Variants in ACCSL observed in about 807,000 individuals in gnomAD.
ACCSL encodes probable inactive 1-aminocyclopropane-1-carboxylate synthase-like protein 2.
In ACCSL, 55 loss-of-function variants were observed where a neutral mutation model predicts 61.7. The ratio of observed to expected loss-of-function variants is 0.89; its 90% CI spans 0.72 to 1.12. ACCSL has a LOEUF of 1.12. Among genes scored for constraint, ACCSL ranks in the 50% most tolerant of loss-of-function variants. The probability of loss-of-function intolerance (pLI) is 0.00; values close to 1 mark genes in which losing one functional copy is unlikely to be tolerated. For synonymous variants in ACCSL, 258 were observed against 264.3 expected, an observed-to-expected ratio of 0.98 and a Z score of 0.23; for missense variants, 632 against 698.0, an observed-to-expected ratio of 0.91 and a Z score of 1.07.
At chr11:43,959,996 G>A in the ACCSL span, among the ~76,000 whole-genome samples, 1 of 152,062 alleles carries the variant, frequency 6.6e-6, no homozygotes, top group Non-Finnish European at 1.5e-5. Context: ...GCCCTGCTCC[G>A]GCCCCCACCA....
the ACCSL span, among the ~76,000 whole-genome samples, chr11:44,008,550 A>T: frequency 2.0e-5 from 3 of 152,240 alleles, no homozygotes; most frequent in African/African-American, 7.2e-5. Context: ...ATTGATAGAG[A>T]CAGTAAGCAT....
At chr11:43,986,412 A>G in the ACCSL span, among the ~76,000 whole-genome samples, 1 of 150,894 alleles carries the variant, frequency 6.6e-6, no homozygotes, top group Non-Finnish European at 1.5e-5. Flanking sequence ...CACAGATCTC[A>G]GAGTAAGACC....
chr11:44,048,377 C>T lies in ACCSL; in HGVS notation c.341C>T (p.Ser114Phe). The T allele has an allele frequency of 6.2e-7, 1 of 1,614,154 alleles. No individual in the cohort carries two copies. Among genetic ancestry groups the T allele is most frequent in the South Asian group, 1.1e-5 (1 of 91,076 alleles). ...AGATATGGGCAGAGGGCCCAACTCTCTGGGCAGCCTGATCCAGTTCCCCAA... is the reference window on the plus strand; with the variant it reads ...AGATATGGGCAGAGGGCCCAACTCTTTGGGCAGCCTGATCCAGTTCCCCAA... The part of the protein sequence containing the change: ...DVRYGQRAQL[S>F]GQPDPVPQLS... The change falls in exon 1 of 14, where the codon TCT becomes TTT. Residue 114 changes from serine to phenylalanine, a missense_variant. By Grantham distance (155) the Ser-to-Phe change is radical. Transcript: ENST00000378832.
the ACCSL span, among the ~76,000 whole-genome samples, chr11:44,041,966 A>G: frequency 0.06 from 9,069 of 152,238 alleles, 493 homozygotes; most frequent in African/African-American, 0.14. Flanking sequence ...GAAACTCCCT[A>G]GGATCTATTA....
the ACCSL span, among the ~76,000 whole-genome samples, chr11:43,998,374 A>AT: frequency 1.4e-4 from 21 of 152,106 alleles, no homozygotes; most frequent in Non-Finnish European, 2.8e-4. Flanking sequence ...GTGTTGGCTG[A>AT]TTTTTTTGTC....
chr11:43,943,228 A>C, the ACCSL span: 1 of 1,520,360 alleles, frequency 6.6e-7, no homozygotes, highest in Non-Finnish European at 8.8e-7. The surrounding 1 kb of genome is among the most constrained non-coding windows in gnomAD (Gnocchi z 4.8). Context: ...GCAGCTGCAA[A>C]CTGAGGAACA....
the ACCSL span, among the ~76,000 whole-genome samples, chr11:44,012,219 C>A: frequency 6.6e-6 from 1 of 152,086 alleles, no homozygotes; most frequent in Non-Finnish European, 1.5e-5. Context: ...TCCAGAAAGA[C>A]CTGATGCTGG....
chr11:43,965,082 C>G, the ACCSL span, among the ~76,000 whole-genome samples: 1 of 152,132 alleles, frequency 6.6e-6, no homozygotes. Flanking sequence ...ACTGGAAGTT[C>G]TAGCCAGAGC....
the ACCSL span, among the ~76,000 whole-genome samples, chr11:43,927,333 G>A: frequency 2.0e-5 from 3 of 152,314 alleles, no homozygotes; most frequent in South Asian, 2.1e-4. Flanking sequence ...TGGAAATCAC[G>A]AGAATGGAGG....
At chr11:44,046,972 A>G (rs3094397), upstream of ACCSL, among the ~76,000 whole-genome samples, 128,936 of 152,052 alleles carry the variant, frequency 0.85, 54,808 homozygotes, top group African/African-American at 0.91. Context: ...AGCCATAATC[A>G]TGCCACTGCA....
intron 8 of ACCSL, 54 bp downstream of exon 8, chr11:44,053,560 A>G: frequency 2.0e-6 from 3 of 1,517,480 alleles, no homozygotes; most frequent in Non-Finnish European, 2.7e-6. Flanking sequence ...GATTCCCATC[A>G]CTTATAGTCA....
chr11:43,932,768 G>C, the ACCSL span, among the ~76,000 whole-genome samples: 1 of 152,204 alleles, frequency 6.6e-6, no homozygotes, highest in Non-Finnish European at 1.5e-5. Context: ...TTTGAACCAA[G>C]CTGGAGATAG....
At chr11:44,042,820 C>T in the ACCSL span, among the ~76,000 whole-genome samples, 2 of 152,118 alleles carry the variant, frequency 1.3e-5, no homozygotes, top group Non-Finnish European at 2.9e-5. Context: ...GTGGCTCACA[C>T]CTGTAATCCC....
At chr11:43,982,790 C>T in the ACCSL span, among the ~76,000 whole-genome samples, 4 of 152,098 alleles carry the variant, frequency 2.6e-5, no homozygotes, top group Admixed American at 1.3e-4. Context: ...TCCCCAGAAG[C>T]GAGTCTGAGT....
At chr11:43,940,494 T>C in the ACCSL span, among the ~76,000 whole-genome samples, 1 of 151,740 alleles carries the variant, frequency 6.6e-6, no homozygotes, top group African/African-American at 2.4e-5. Context: ...TAGCTGGGAC[T>C]ACAGGCACCC....
the ACCSL span, among the ~76,000 whole-genome samples, chr11:44,033,634 G>A: frequency 2.6e-5 from 4 of 152,150 alleles, no homozygotes; most frequent in East Asian, 1.9e-4. Context: ...GTGGTAGATA[G>A]TGTCAATGGA....
At chr11:44,025,262 T>C in the ACCSL span, among the ~76,000 whole-genome samples, 1 of 152,162 alleles carries the variant, frequency 6.6e-6, no homozygotes, top group African/African-American at 2.4e-5. Flanking sequence ...TGCTGCCCTA[T>C]TTGTATTAAA....
At chr11:44,059,100 C>T (rs566384953) in intron 13 of ACCSL, among the ~76,000 whole-genome samples, 6 of 152,140 alleles carry the variant, frequency 3.9e-5, no homozygotes, top group East Asian at 1.9e-4. Flanking sequence ...AAATTAGCCA[C>T]GCATGGTGGC....
At chr11:44,040,225 T>C in the ACCSL span, among the ~76,000 whole-genome samples, 9,082 of 152,266 alleles carry the variant, frequency 0.06, 503 homozygotes, top group African/African-American at 0.14. Flanking sequence ...GGGAGTCCCT[T>C]GCTCTAGTAG....
Sources: allele counts gnomAD v4.1 joint callset (sites outside exome capture counted in the v4.1 genomes callset), GRCh38; gene constraint gnomAD v4.1.1; non-coding constraint Gnocchi (gnomAD v3.1); transcripts MANE v1.5; gene names NCBI Gene and HGNC (gene_info 2026-07-23, HGNC 2026-07-21).